The following ENTPD5 variants were observed in gnomAD, a reference collection of about 807,000 sequenced individuals.
ENTPD5 encodes nucleoside diphosphate phosphatase ENTPD5.
A neutral mutation model predicts 60.2 loss-of-function variants in ENTPD5; 49 were observed. The observed-to-expected ratio is 0.81, with a 90% CI of 0.65 to 1.03. The LOEUF is 1.03. Among genes scored for constraint, ENTPD5 ranks in the 50% least tolerant of loss-of-function variants. The pLI is 0.00. For missense variants in ENTPD5, 480 were observed against 507.6 expected (o/e 0.95, Z 0.52); for synonymous variants, 187 against 185.4 (o/e 1.01, Z -0.07).
intron 3 of ENTPD5, among the ~76,000 whole-genome samples, chr14:74,000,564 T>C (rs2058477144): frequency 6.6e-6 from 1 of 151,992 alleles, no homozygotes; most frequent in Non-Finnish European, 1.5e-5. Context: ...GTGGATCACC[T>C]GAGGTCAAGA....
At chr14:74,004,326 C>T (rs2058604527) in intron 3 of ENTPD5, among the ~76,000 whole-genome samples, 1 of 152,056 alleles carries the variant, frequency 6.6e-6, no homozygotes, top group South Asian at 2.1e-4. Context: ...CCCCACCACA[C>T]CCGGCTAATT....
At position 74,011,127 on chromosome 14, in the gene ENTPD5, CCTTT is replaced by C; in HGVS notation, c.-111_-108del. 6 of 883,310 alleles carry C rather than the reference CCTTT, an allele frequency of 6.8e-6. No homozygotes were observed. Among genetic ancestry groups the C allele is most frequent in the Non-Finnish European group, 8.1e-6 (6 of 736,980 alleles). 54.7% of individuals were successfully genotyped at this position (883,310 alleles called of 1,614,324 possible). Reference sequence around the variant, plus strand: ...TTCCTTCTGAATTTTCTCCTTGGTTCCTTTATTATATCACTTTTTCAACCTGTGT... The same window carrying C: ...TTCCTTCTGAATTTTCTCCTTGGTTCATTATATCACTTTTTCAACCTGTGT... On this transcript the variant is annotated 5_prime_UTR_variant, in exon 3 of 16. It adds an upstream start codon to the 5' untranslated region. Transcript: ENST00000334696.
At chr14:73,975,134 C>A (rs182697512) in intron 10 of ENTPD5, 149 bp from the exon 11 acceptor site, 2 of 653,272 alleles carry the variant, frequency 3.1e-6, no homozygotes, top group Non-Finnish European at 5.4e-6. Context: ...CTGTGGTCAA[C>A]AAGGGGTAAT....
chr14:73,987,774 CTAGGTGTG>C, intron 4 of ENTPD5, 104 bp downstream of exon 4: 1 of 873,112 alleles, frequency 1.1e-6, no homozygotes, highest in East Asian at 2.7e-5. Context: ...AAGACATCCA[CTAGGTGTG>C]AGATTCTGTA....
At chr14:73,980,787 A>G (rs551340332) in intron 6 of ENTPD5, among the ~76,000 whole-genome samples, 6 of 152,240 alleles carry the variant, frequency 3.9e-5, no homozygotes, top group Non-Finnish European at 8.8e-5. Flanking sequence ...TAACAAATAT[A>G]TACAATAAAA....
At chr14:74,000,538 T>C (rs1342927040) in intron 3 of ENTPD5, among the ~76,000 whole-genome samples, 1 of 152,040 alleles carries the variant, frequency 6.6e-6, no homozygotes, top group African/African-American at 2.4e-5. Flanking sequence ...CCCAACACTT[T>C]GGGAGGCCGA....
At chr14:73,982,790 T>G (rs1199415644) in intron 6 of ENTPD5, among the ~76,000 whole-genome samples, 1 of 151,932 alleles carries the variant, frequency 6.6e-6, no homozygotes, top group Non-Finnish European at 1.5e-5. Flanking sequence ...GAATGAAGAA[T>G]ATCCTAGATA....
intron 5 of ENTPD5, among the ~76,000 whole-genome samples, chr14:73,984,551 G>A (rs2057821934): frequency 6.6e-6 from 1 of 152,082 alleles, no homozygotes; most frequent in South Asian, 2.1e-4. Context: ...CTATTTCCCT[G>A]AATGAACTTC....
chr14:74,015,477 G>A (rs2058989735), intron 2 of ENTPD5, among the ~76,000 whole-genome samples: 1 of 150,506 alleles, frequency 6.6e-6, no homozygotes, highest in African/African-American at 2.4e-5. Flanking sequence ...TCAGCCTCCT[G>A]AGTAGCTGGA....
At chr14:73,985,041 T>C (rs2057844141) in intron 5 of ENTPD5, among the ~76,000 whole-genome samples, 1 of 152,204 alleles carries the variant, frequency 6.6e-6, no homozygotes, top group Non-Finnish European at 1.5e-5. Flanking sequence ...GTTTCCAGCT[T>C]CATACATGTC....
At position 73,963,499 on chromosome 14, in the gene ENTPD5, C is replaced by T. The variant is rs930559170; in HGVS notation, c.*3429G>A. ...TATACTGGACTTTCTGAAAGGAAAACCAGGTCTCATTAATGCTAGTTATTA... is the reference window on the plus strand; with the variant it reads ...TATACTGGACTTTCTGAAAGGAAAATCAGGTCTCATTAATGCTAGTTATTA... On this transcript the variant is annotated 3_prime_UTR_variant, in exon 16 of 16. Coordinates refer to ENST00000334696, the MANE Select transcript of ENTPD5 (RefSeq NM_001249.5). The T allele has an allele frequency of 1.7e-5, 3 of 176,910 alleles. No individual in the cohort carries two copies. Among genetic ancestry groups the T allele is most frequent in the African/African-American group, 7.2e-5 (3 of 41,686 alleles). The allele number at this position is 176,910 out of a possible 1,614,324, so 11.0% of individuals were successfully genotyped here. A position where few individuals can be genotyped will look rare whatever the true frequency, so the allele number is the denominator to read the frequency against.
Position 73,987,989 on chromosome 14 carries a change from C to T in ENTPD5, c.114G>A (p.Met38Ile). The T allele has an allele frequency of 1.2e-6, 2 of 1,614,130 alleles. No individual in the cohort carries two copies. Among genetic ancestry groups the T allele is most frequent in the Non-Finnish European group, 1.7e-6 (2 of 1,180,030 alleles). The change falls in exon 4 of 16, where the codon ATG becomes ATA. Residue 38 changes from methionine to isoleucine, a missense_variant. Transcript: ENST00000334696. ...TWFEGIFLSS[M>I]CPINVSASTL... ...TGCTGGCGCTGACATTGATGGGGCA[C>T]ATGGAAGACAGGAAGATACCCTCAA...
intron 5 of ENTPD5, among the ~76,000 whole-genome samples, chr14:73,983,392 G>A (rs1181817162): frequency 6.6e-6 from 1 of 152,170 alleles, no homozygotes. Context: ...GGAGGCCAAG[G>A]TGGGTGGATC....
chr14:73,960,966 A>T, downstream of ENTPD5: 1 of 673,034 alleles, frequency 1.5e-6, no homozygotes, highest in Non-Finnish European at 2.6e-6. Flanking sequence ...GGGCCAGCTC[A>T]TGTACAGTTT....
chr14:74,016,495 G>A lies in ENTPD5; in HGVS notation c.-237-565C>T, dbSNP rs141653423. 3.9e-4 allele frequency among the ~76,000 whole-genome samples: 60 copies of A among 152,206 alleles called. No homozygotes were observed. The East Asian group carries it at 0.011, about 28-fold the overall frequency. On this transcript the variant is annotated intron_variant, in intron 1 of 15. Coordinates refer to ENST00000334696, the MANE Select transcript of ENTPD5 (RefSeq NM_001249.5). ...CTACAAAAAATACAAAATTAGCCAG[G>A]CATGGTGGTGCATGCCTACAGTCCC...
At chr14:74,006,726 AG>A (rs940207915) in intron 3 of ENTPD5, among the ~76,000 whole-genome samples, 62 of 151,330 alleles carry the variant, frequency 4.1e-4, no homozygotes, top group African/African-American at 1.5e-3. Context: ...GCTAGACTAC[AG>A]GAATGAGCCA....
At chr14:73,972,860 G>T in intron 13 of ENTPD5, 24 bp downstream of exon 13, 1 of 1,612,806 alleles carries the variant, frequency 6.2e-7, no homozygotes, top group South Asian at 1.1e-5. Flanking sequence ...TTCCTCTCTG[G>T]ACTGACACCT....
At chr14:74,004,132 T>C (rs1328687312) in intron 3 of ENTPD5, among the ~76,000 whole-genome samples, 2 of 152,094 alleles carry the variant, frequency 1.3e-5, no homozygotes, top group African/African-American at 2.4e-5. Flanking sequence ...AGTAAATAAA[T>C]ACATGTATTA....
intron 2 of ENTPD5, 145 bp from the exon 3 acceptor site, chr14:74,011,295 T>C (rs530307747): frequency 1.3e-5 from 2 of 155,924 alleles, no homozygotes; most frequent in Non-Finnish European, 2.8e-5. Context: ...CAAGCTCATC[T>C]CCTGAGTTGT....
Sources: gnomAD v4.1 joint callset for allele counts (sites outside exome capture counted in the v4.1 genomes callset) on GRCh38, gnomAD v4.1.1 for gene constraint, MANE v1.5 for transcripts, NCBI Gene and HGNC (gene_info 2026-07-23, HGNC 2026-07-21) for gene names.